The following RPL6 variants were observed in gnomAD, a reference collection of about 807,000 sequenced individuals.
RPL6 encodes ribosomal protein L6, also known as large ribosomal subunit protein eL6.
Under a neutral mutation model 32.1 loss-of-function variants are expected in RPL6, and 1 was observed. The observed-to-expected ratio is 0.03, with a 90% CI of 0.01 to 0.15. The LOEUF (loss-of-function observed/expected upper bound fraction) is 0.15. Ranked by LOEUF, RPL6 falls within the 10% of genes least tolerant of loss-of-function variation. The probability of loss-of-function intolerance (pLI) is 1.00; values close to 1 mark genes in which losing one functional copy is unlikely to be tolerated. For missense variants in RPL6, 275 were observed against 354.6 expected, an observed-to-expected ratio of 0.78 and a Z score of 1.80; for synonymous variants, 126 against 131.6, an observed-to-expected ratio of 0.96 and a Z score of 0.29.
At chr12:112,413,582 T>G (rs1705403526), upstream of RPL6, among the ~76,000 whole-genome samples, 1 of 151,728 alleles carries the variant, frequency 6.6e-6, no homozygotes, top group Non-Finnish European at 1.5e-5. Context: ...CAGATTGAGG[T>G]TTTTTTGTTT....
chr12:112,416,566 G>A (rs1490901329), intron 1 of RPL6, among the ~76,000 whole-genome samples: 3 of 151,992 alleles, frequency 2.0e-5, no homozygotes, highest in Admixed American at 6.6e-5. Flanking sequence ...GTAAGCCACC[G>A]CACTTGGCCA....
chr12:112,405,713 A>C (rs2135793035), intron 6 of RPL6, 140 bp downstream of exon 6: 1 of 746,506 alleles, frequency 1.3e-6, no homozygotes, highest in East Asian at 2.7e-5. Flanking sequence ...CTCAATTTAG[A>C]AGAATCTGGA....
chr12:112,409,551 G>A, intron 1 of RPL6, 36 bp downstream of exon 1: 1 of 398,628 alleles, frequency 2.5e-6, no homozygotes. Flanking sequence ...TGGGAGTCCT[G>A]AACTCAAGTC....
intron 1 of RPL6, among the ~76,000 whole-genome samples, chr12:112,417,196 T>C (rs2037423270): frequency 6.6e-6 from 1 of 152,104 alleles, no homozygotes; most frequent in Non-Finnish European, 1.5e-5. Context: ...TAGCTGGGAC[T>C]ACAGGTGTGC....
intron 4 of RPL6, 53 bp from the exon 5 acceptor site, chr12:112,406,395 G>A: frequency 6.7e-7 from 1 of 1,482,928 alleles, no homozygotes; most frequent in Non-Finnish European, 9.4e-7. Flanking sequence ...ACTGACTTCT[G>A]AATTCATAAA....
At chr12:112,407,021 T>C (rs2037192970) in intron 3 of RPL6, 131 bp from the exon 4 acceptor site, 1 of 901,246 alleles carries the variant, frequency 1.1e-6, no homozygotes, top group South Asian at 2.0e-5. Context: ...TGATTCCATT[T>C]TCATTTCTGC....
chr12:112,407,939 T>C (rs1449904275), intron 3 of RPL6: 2 of 317,894 alleles, frequency 6.3e-6, no homozygotes, highest in East Asian at 7.8e-5. Flanking sequence ...AGGCTGGTCT[T>C]GAACTCCTGA....
intron 6 of RPL6, chr12:112,405,592 A>G: frequency 1.6e-6 from 1 of 623,080 alleles, no homozygotes. Flanking sequence ...TTTAGGACAC[A>G]TCAAGGATAA....
At chr12:112,409,536 A>G (rs1354575162) in intron 1 of RPL6, 51 bp downstream of exon 1, 1 of 398,490 alleles carries the variant, frequency 2.5e-6, no homozygotes, top group Non-Finnish European at 4.4e-6. Context: ...CGGATGGCGA[A>G]GGATTGGGAG....
intron 5 of RPL6, 93 bp from the exon 6 acceptor site, chr12:112,406,130 GA>G: frequency 7.8e-7 from 1 of 1,287,002 alleles, no homozygotes. Flanking sequence ...GCTACACAAA[GA>G]AGACCACTTG....
upstream of RPL6, chr12:112,410,270 A>C: frequency 3.9e-6 from 1 of 257,370 alleles, no homozygotes; most frequent in Non-Finnish European, 7.8e-6. Context: ...AGTGCAGTGA[A>C]CTCTAATCTT....
At position 112,417,560 on chromosome 12, in the gene RPL6, C is replaced by CTTT. The variant is rs1209085428; in HGVS notation, c.-229+1165_-229+1167dup. Among the ~76,000 whole-genome samples the CTTT allele has an allele frequency of 7.5e-3, 564 of 75,086 alleles. 117 individuals carry two copies. Among genetic ancestry groups the CTTT allele is most frequent in the African/African-American group, 0.032 (484 of 14,896 alleles). The allele number at this position is 75,086 out of a possible 152,430, so 49.3% of individuals were successfully genotyped here. A position where few individuals can be genotyped will look rare whatever the true frequency, so the allele number is the denominator to read the frequency against. On this transcript the variant is annotated intron_variant, in intron 1 of 5. Transcript: ENST00000551291. The stretch of plus-strand genomic sequence containing the variant: ...AATACTTCCGTACCACCCGGCCCGG[C>CTTT]TTTTTTTTTTTTTTTTTTTTTTTTT...
chr12:112,406,525 T>C, intron 4 of RPL6, 183 bp from the exon 5 acceptor site: 1 of 806,744 alleles, frequency 1.2e-6, no homozygotes, highest in Non-Finnish European at 2.0e-6. Context: ...AACACGTTTT[T>C]GAGTAAATGA....
chr12:112,408,228 C>T lies in RPL6; in HGVS notation c.336+12G>A. 1.2e-6 allele frequency: 2 copies of T among 1,602,886 alleles called. No homozygotes were observed. The highest frequency in any genetic ancestry group is 1.7e-6 in the Non-Finnish European group (2 of 1,170,200). ...TAAACAGAAAATCCAATTTACAGTC[C>T]CCACATCTTACCATTTTGCGAAGTT... On this transcript the variant is annotated intron_variant, in intron 3 of 6. Transcript: ENST00000202773.
At chr12:112,418,820 C>T (rs897922842) in exon 1 of RPL6, 4 of 476,260 alleles carry the variant, frequency 8.4e-6, no homozygotes, top group African/African-American at 6.2e-5. Flanking sequence ...TCCCGGCCGT[C>T]GCTCGGTCCT....
At chr12:112,408,022 A>G in intron 3 of RPL6, 1 of 555,100 alleles carries the variant, frequency 1.8e-6, no homozygotes. Context: ...ACTCAGCCTC[A>G]TTCCCATATT....
chr12:112,414,941 T>C (rs754233650), upstream of RPL6, among the ~76,000 whole-genome samples: 11 of 151,878 alleles, frequency 7.2e-5, no homozygotes, highest in South Asian at 4.2e-4. Context: ...CAAAACTTAA[T>C]TGGATGCTTC....
Position 112,406,337 on chromosome 12 carries a change from C to T in RPL6, c.486G>A (p.Val162=), listed in dbSNP as rs2037169019. ...ILTGRHRGKR[V]VFLKQLASGL... ...CACTAGCCAGCTGCTTCAGGAAAAC[C>T]ACCCTCTGTAAGTTAAAAAGAAAAT... The change falls in exon 5 of 7, where the codon GTG becomes GTA. Residue 162 remains valine, a synonymous_variant. Coordinates refer to ENST00000202773, the MANE Select transcript of RPL6 (RefSeq NM_000970.6). 1 of 1,612,564 alleles carries T rather than the reference C, an allele frequency of 6.2e-7. No homozygotes were observed. Among genetic ancestry groups the T allele is most frequent in the Non-Finnish European group, 8.5e-7 (1 of 1,178,676 alleles).
intron 1 of RPL6, among the ~76,000 whole-genome samples, chr12:112,415,439 A>G (rs1362288695): frequency 6.6e-6 from 1 of 152,052 alleles, no homozygotes; most frequent in Non-Finnish European, 1.5e-5. Context: ...TGGGCCGGGC[A>G]TGGTGGCTCA....
Sources: gnomAD v4.1 joint callset for allele counts (sites outside exome capture counted in the v4.1 genomes callset) on GRCh38, gnomAD v4.1.1 for gene constraint, MANE v1.5 for transcripts, NCBI Gene and HGNC (gene_info 2026-07-23, HGNC 2026-07-21) for gene names.